PIK3C2G: variants seen among roughly 807,000 people sequenced by gnomAD.
PIK3C2G encodes phosphatidylinositol 3-kinase C2 domain-containing subunit gamma.
Under a neutral mutation model 181.1 loss-of-function variants are expected in PIK3C2G, and 168 were observed. The observed-to-expected ratio is 0.93, with a 90% confidence interval of 0.82 to 1.05. PIK3C2G has a LOEUF of 1.05. Among genes scored for constraint, PIK3C2G ranks in the 50% least tolerant of loss-of-function variants. The pLI is 0.00. For missense variants in PIK3C2G, 1,869 were observed against 1,732.8 expected (o/e 1.08, Z -1.40); for synonymous variants, 573 against 592.2 (o/e 0.97, Z 0.47).
chr12:18,359,422 A>C (rs953549815), intron 11 of PIK3C2G, among the ~76,000 whole-genome samples: 13 of 152,044 alleles, frequency 8.6e-5, no homozygotes, highest in African/African-American at 2.9e-4. Flanking sequence ...TGCTGAGTGG[A>C]ATGTTCTGTA....
chr12:18,261,797 A>T (rs1028572821), intron 1 of PIK3C2G, among the ~76,000 whole-genome samples: 1 of 152,076 alleles, frequency 6.6e-6, no homozygotes, highest in Non-Finnish European at 1.5e-5. Context: ...ATCTTTCCTG[A>T]ATAAACTTAT....
the PIK3C2G span, chr12:18,693,380 G>T: frequency 2.5e-6 from 4 of 1,603,694 alleles, no homozygotes; most frequent in East Asian, 6.7e-5. Flanking sequence ...AGGAATCTGT[G>T]GAGCTTCCTC....
chr12:18,671,409 C>G, the PIK3C2G span, among the ~76,000 whole-genome samples: 1 of 151,874 alleles, frequency 6.6e-6, no homozygotes, highest in Non-Finnish European at 1.5e-5. Flanking sequence ...GAGCCTGGCC[C>G]CTTTGTGTAA....
At chr12:18,249,812 T>C (rs987897376) in intron 1 of PIK3C2G, among the ~76,000 whole-genome samples, 11 of 152,058 alleles carry the variant, frequency 7.2e-5, no homozygotes, top group African/African-American at 2.7e-4. Context: ...CTCAGAAATA[T>C]CTTATATTTC....
At chr12:18,666,949 C>T in the PIK3C2G span, among the ~76,000 whole-genome samples, 1 of 152,126 alleles carries the variant, frequency 6.6e-6, no homozygotes, top group East Asian at 1.9e-4. Context: ...AGGGTTTTAA[C>T]CACAATTCCT....
chr12:18,540,822 G>A (rs1944112970), intron 25 of PIK3C2G, among the ~76,000 whole-genome samples: 1 of 151,708 alleles, frequency 6.6e-6, no homozygotes, highest in Admixed American at 6.6e-5. Flanking sequence ...AAGCAATGTG[G>A]ACCAATTAAA....
chr12:18,378,959 T>C lies in PIK3C2G; in HGVS notation c.1881-2807T>C, dbSNP rs1942650267. On this transcript the variant is annotated intron_variant, in intron 13 of 32. Transcript: ENST00000538779. ...ACCATTGTGGAAGACAGTATGGCGA[T>C]TCCTCAAGGATCTAGAACTAGAAAT... Among the ~76,000 whole-genome samples, 3 of 152,188 alleles carry C rather than the reference T, an allele frequency of 2.0e-5. No homozygotes were observed. In the South Asian group the frequency reaches 6.2e-4, roughly 31 times the overall value.
intron 1 of PIK3C2G, among the ~76,000 whole-genome samples, chr12:18,273,898 C>T (rs1948857532): frequency 6.6e-6 from 1 of 151,976 alleles, no homozygotes; most frequent in Admixed American, 6.6e-5. Context: ...TTTTTGTAAC[C>T]TACTCATCTG....
At chr12:18,685,932 A>G in the PIK3C2G span, among the ~76,000 whole-genome samples, 1 of 152,014 alleles carries the variant, frequency 6.6e-6, no homozygotes, top group Non-Finnish European at 1.5e-5. Context: ...CATAAAAAAA[A>G]GTAAACCAGG....
chr12:18,376,702 G>A (rs1184350673), intron 13 of PIK3C2G, among the ~76,000 whole-genome samples: 1 of 152,152 alleles, frequency 6.6e-6, no homozygotes, highest in African/African-American at 2.4e-5. Flanking sequence ...GACACGGTGG[G>A]AGATGTTTGG....
At chr12:18,446,768 A>G (rs1187954376) in intron 18 of PIK3C2G, among the ~76,000 whole-genome samples, 1 of 152,144 alleles carries the variant, frequency 6.6e-6, no homozygotes, top group East Asian at 1.9e-4. Flanking sequence ...CTTCAAGAGA[A>G]TATGTATGTC....
intron 22 of PIK3C2G, among the ~76,000 whole-genome samples, chr12:18,501,299 A>T (rs188060880): frequency 6.6e-6 from 1 of 152,264 alleles, no homozygotes; most frequent in Admixed American, 6.5e-5. Flanking sequence ...GGCCTTTTTC[A>T]CAAGGTGGCA....
At chr12:18,526,914 T>G (rs987581564) in intron 24 of PIK3C2G, among the ~76,000 whole-genome samples, 1 of 152,188 alleles carries the variant, frequency 6.6e-6, no homozygotes, top group African/African-American at 2.4e-5. Flanking sequence ...ATAGCTCCCT[T>G]ATATCAACCC....
At chr12:18,253,310 A>G (rs956197689) in intron 1 of PIK3C2G, among the ~76,000 whole-genome samples, 1 of 152,220 alleles carries the variant, frequency 6.6e-6, no homozygotes, top group Non-Finnish European at 1.5e-5. Context: ...GTCACGGTAG[A>G]AGTAATACAA....
At chr12:18,552,525 C>T (rs754616285) in intron 26 of PIK3C2G, among the ~76,000 whole-genome samples, 1 of 151,940 alleles carries the variant, frequency 6.6e-6, no homozygotes, top group Non-Finnish European at 1.5e-5. Context: ...GAGATAGGGA[C>T]ACAGAACCAA....
intron 11 of PIK3C2G, among the ~76,000 whole-genome samples, chr12:18,353,889 C>G (rs1445497822): frequency 6.6e-6 from 1 of 152,164 alleles, no homozygotes; most frequent in Admixed American, 6.5e-5. Flanking sequence ...AGGCTTGGTC[C>G]AAGTCCTACA....
At chr12:18,370,512 C>CA (rs1233993357) in intron 12 of PIK3C2G, among the ~76,000 whole-genome samples, 3 of 151,978 alleles carry the variant, frequency 2.0e-5, no homozygotes, top group Non-Finnish European at 2.9e-5. Flanking sequence ...TTTAAAATGG[C>CA]AAAAAACTCT....
intron 3 of PIK3C2G, among the ~76,000 whole-genome samples, chr12:18,290,174 G>A (rs943293688): frequency 6.6e-6 from 1 of 151,974 alleles, no homozygotes; most frequent in Admixed American, 6.6e-5. Context: ...AAAAAAATTG[G>A]TCAAATAACT....
intron 16 of PIK3C2G, among the ~76,000 whole-genome samples, chr12:18,410,750 C>A (rs1268807886): frequency 6.6e-6 from 1 of 152,048 alleles, no homozygotes; most frequent in Admixed American, 6.6e-5. Flanking sequence ...AAATTTCTAT[C>A]CTTTTCAGTG....
Sources: gnomAD v4.1 joint callset for allele counts (sites outside exome capture counted in the v4.1 genomes callset) on GRCh38, gnomAD v4.1.1 for gene constraint, MANE v1.5 for transcripts, NCBI Gene and HGNC (gene_info 2026-07-23, HGNC 2026-07-21) for gene names.